CDC42EP2: variants seen among roughly 807,000 people sequenced by gnomAD.
The protein encoded by CDC42EP2 is CDC42 effector protein 2, also known as CDC42 effector protein (Rho GTPase binding) 2.
CDC42EP2 carries 5 observed loss-of-function variants against 7.3 expected under a neutral mutation model. The ratio of observed to expected loss-of-function variants is 0.68; its 90% CI spans 0.36 to 1.44. CDC42EP2 has a LOEUF of 1.44. Among genes scored for constraint, CDC42EP2 ranks in the 40% most tolerant of loss-of-function variants. CDC42EP2 has a pLI of 0.04. For missense variants in CDC42EP2, 251 were observed against 282.6 expected, an observed-to-expected ratio of 0.89 and a Z score of 0.80; for synonymous variants, 113 against 123.6, an observed-to-expected ratio of 0.91 and a Z score of 0.57.
At position 65,315,417 on chromosome 11, in the gene CDC42EP2, C is replaced by G. The variant is rs1261856714; in HGVS notation, c.-356+463C>G. 1.3e-5 allele frequency among the ~76,000 whole-genome samples: 2 copies of G among 152,318 alleles called. No individual in the cohort carries two copies. The highest frequency in any genetic ancestry group is 2.1e-4 in the South Asian group (1 of 4,832). ...GGAACCCGAGCCGGAGCTAAGGAGC[C>G]GGACCCGTGGGAGGGGCGGGGGCCC... On this transcript the variant is annotated intron_variant, in intron 1 of 1. Transcript: ENST00000279249. The surrounding 1 kb of genome is among the most constrained non-coding windows in gnomAD (Gnocchi z 4.1).
In CDC42EP2 at chr11:65,320,782, T is replaced by C; in HGVS notation, c.-117T>C. ...TAGCCAGAAGCCCGTTGGCGAGCTC[T>C]GGCACCTGCAAACCACCCCGTGGAA... On this transcript the variant is annotated 5_prime_UTR_variant, in exon 2 of 2. Transcript: ENST00000279249. The C allele has an allele frequency of 9.0e-7, 1 of 1,113,440 alleles. No individual in the cohort carries two copies. Among genetic ancestry groups the C allele is most frequent in the African/African-American group, 1.6e-5 (1 of 63,834 alleles). 69.0% of individuals were successfully genotyped at this position (1,113,440 alleles called of 1,614,324 possible). A position where few individuals can be genotyped will look rare whatever the true frequency, so the allele number is the denominator to read the frequency against.
intron 1 of CDC42EP2, among the ~76,000 whole-genome samples, chr11:65,319,002 C>T (rs1949961472): frequency 7.0e-6 from 1 of 143,172 alleles, no homozygotes; most frequent in African/African-American, 2.6e-5. Context: ...TCAATGCTTT[C>T]AATAAATGGA....
In CDC42EP2 at chr11:65,322,304, AG is replaced by A. The variant is rs1417319124; in HGVS notation, c.*774del. On this transcript the variant is annotated 3_prime_UTR_variant, in exon 2 of 2. Transcript: ENST00000279249. ...GTGACATTGATTCAGATGTTTGGCA[AG>A]AGGTGGCTGAGCACTGGGGTGGGCT... The A allele has an allele frequency of 3.0e-5, 5 of 167,058 alleles. No homozygotes were observed. The highest frequency in any genetic ancestry group is 7.2e-5 in the African/African-American group (3 of 41,454). The allele number at this position is 167,058 out of a possible 1,614,324, so 10.3% of individuals were successfully genotyped here.
Position 65,321,228 on chromosome 11 carries a change from C to G in CDC42EP2, c.330C>G (p.Leu110=). The change falls in exon 2 of 2, where the codon CTC becomes CTG. Residue 110 remains leucine (L), a synonymous_variant. Coordinates refer to ENST00000279249, the MANE Select transcript of CDC42EP2 (RefSeq NM_006779.4). The surrounding 1 kb of genome is among the most constrained non-coding windows in gnomAD (Gnocchi z 4.4). ...PSPLLKNAIS[L]PVIGGPQALT... is the part of the protein sequence containing the mutation. ...CTCTGCTCAAGAACGCCATCTCCCT[C>G]CCGGTTATCGGTGGACCCCAGGCTC... 1 of 1,613,994 alleles carries G rather than the reference C, an allele frequency of 6.2e-7. No homozygotes were observed. Among genetic ancestry groups the G allele is most frequent in the South Asian group, 1.1e-5 (1 of 91,076 alleles).
intron 1 of CDC42EP2, among the ~76,000 whole-genome samples, chr11:65,317,782 A>G (rs1949954663): frequency 6.6e-6 from 1 of 152,112 alleles, no homozygotes; most frequent in East Asian, 1.9e-4. Context: ...ATATGTGCAT[A>G]TAAATAATAC....
intron 1 of CDC42EP2, among the ~76,000 whole-genome samples, chr11:65,319,294 A>G (rs1949963002): frequency 6.6e-6 from 1 of 151,540 alleles, no homozygotes; most frequent in Admixed American, 6.6e-5. Context: ...ACGCCTGGCT[A>G]ATTTTTTGTA....
In CDC42EP2 at chr11:65,321,849, C is replaced by T. The variant is rs977240180; in HGVS notation, c.*318C>T. On this transcript the variant is annotated 3_prime_UTR_variant, in exon 2 of 2. Coordinates refer to ENST00000279249, the MANE Select transcript of CDC42EP2 (RefSeq NM_006779.4). This position sits in a 1 kb window ranked among gnomAD's most constrained non-coding sequence, Gnocchi z 4.4. ...GGGTGAAGGCTTTGCTGAAACCGAC[C>T]CCCCTTTTCACGTCCCTTCTGCCTC... 5 of 278,546 alleles carry T rather than the reference C, an allele frequency of 1.8e-5. No homozygotes were observed. Among genetic ancestry groups the T allele is most frequent in the Non-Finnish European group, 3.7e-5 (5 of 136,788 alleles). 17.3% of individuals were successfully genotyped at this position (278,546 alleles called of 1,614,324 possible). A position where few individuals can be genotyped will look rare whatever the true frequency, so the allele number is the denominator to read the frequency against.
rs762437997 is a variant in CDC42EP2 at position 65,321,264 on chromosome 11, C to A, written c.366C>A (p.Pro122=). ...VIGGPQALTL[P]TAQAPPKPPR... is the part of the protein sequence containing the mutation. ...GTGGACCCCAGGCTCTCACCCTGCC[C>A]ACAGCCCAGGCTCCACCCAAGCCCC... The change falls in exon 2 of 2, where the codon CCC becomes CCA. Residue 122 remains proline (P), a synonymous_variant. Transcript: ENST00000279249. The surrounding 1 kb of genome is among the most constrained non-coding windows in gnomAD (Gnocchi z 4.4). The A allele has an allele frequency of 1.9e-6, 3 of 1,613,852 alleles. No individual in the cohort carries two copies. In the East Asian group the frequency reaches 6.7e-5, roughly 36 times the overall value.
chr11:65,319,874 A>G (rs1481120732), intron 1 of CDC42EP2, among the ~76,000 whole-genome samples: 3 of 152,328 alleles, frequency 2.0e-5, no homozygotes, highest in East Asian at 1.9e-4. Flanking sequence ...TGTGGGGCAC[A>G]GGTGATGTGC....
At position 65,321,880 on chromosome 11, in the gene CDC42EP2, C is replaced by T. The variant is rs932624100; in HGVS notation, c.*349C>T. 7 of 229,292 alleles carry T rather than the reference C, an allele frequency of 3.1e-5. No individual in the cohort carries two copies. The highest frequency in any genetic ancestry group is 4.7e-5 in the Non-Finnish European group (5 of 105,938). The allele number at this position is 229,292 out of a possible 1,614,324, so 14.2% of individuals were successfully genotyped here. A position where few individuals can be genotyped will look rare whatever the true frequency, so the allele number is the denominator to read the frequency against. On this transcript the variant is annotated 3_prime_UTR_variant, in exon 2 of 2. Transcript: ENST00000279249. The surrounding 1 kb of genome is among the most constrained non-coding windows in gnomAD (Gnocchi z 4.4). ...TTTCACGTCCCTTCTGCCTCTGCCC[C>T]GTTGGATGCCCTGACTGGGGGCAGG...
In CDC42EP2 at chr11:65,322,068, G is replaced by C. The variant is rs546410578; in HGVS notation, c.*537G>C. ...CCCCACGTGACCGGGGATTCTGGTT[G>C]CAATAAAACATGCTGCTGCTGGTGG... On this transcript the variant is annotated 3_prime_UTR_variant, in exon 2 of 2. Transcript: ENST00000279249. The C allele has an allele frequency of 6.0e-6, 1 of 167,892 alleles. No individual in the cohort carries two copies. Among genetic ancestry groups the C allele is most frequent in the Non-Finnish European group, 1.5e-5 (1 of 68,786 alleles). The allele number at this position is 167,892 out of a possible 1,614,324, so 10.4% of individuals were successfully genotyped here.
chr11:65,321,524 C>T lies in CDC42EP2; in HGVS notation c.626C>T (p.Pro209Leu). The change falls in exon 2 of 2, where the codon CCC becomes CTC. Residue 209 changes from proline (P) to leucine (L), a missense_variant. By Grantham distance (98) the Pro-to-Leu change is moderately conservative (BLOSUM62 -3). Transcript: ENST00000279249. The surrounding 1 kb of genome is among the most constrained non-coding windows in gnomAD (Gnocchi z 4.4). ...CAGGACCTGGACAGCATGCAGATCC[C>T]CACATAGGACACGAGGCTGCCTAGG... ...MDQDLDSMQI[P>L]T 2 of 1,601,044 alleles carry T rather than the reference C, an allele frequency of 1.2e-6. No homozygotes were observed. Among genetic ancestry groups the T allele is most frequent in the Non-Finnish European group, 1.7e-6 (2 of 1,170,684 alleles).
Position 65,320,846 on chromosome 11 carries a change from G to A in CDC42EP2, c.-53G>A. On this transcript the variant is annotated 5_prime_UTR_variant, in exon 2 of 2. Transcript: ENST00000279249. ...TGGCTGAGGGTTGGAGAGGAGGTGT[G>A]GTCTCAGCAGGCGGCCCGTAGCCTC... 1.3e-6 allele frequency: 2 copies of A among 1,542,974 alleles called. No homozygotes were observed. Among genetic ancestry groups the A allele is most frequent in the African/African-American group, 1.4e-5 (1 of 73,822 alleles).
In CDC42EP2 at chr11:65,315,553, A is replaced by G. The variant is rs1003920890; in HGVS notation, c.-356+599A>G. On this transcript the variant is annotated intron_variant, in intron 1 of 1. Transcript: ENST00000279249. This position sits in a 1 kb window ranked among gnomAD's most constrained non-coding sequence, Gnocchi z 4.1. ...CTTGGAGACTAGGGCAGGGTCCCCA[A>G]TCGCCCCCTTTTTCCCCGATTGTGG... 1.4e-4 allele frequency among the ~76,000 whole-genome samples: 21 copies of G among 152,322 alleles called. No individual in the cohort carries two copies. The highest frequency in any genetic ancestry group is 2.2e-4 in the Non-Finnish European group (15 of 68,004).
rs8358 is a variant in CDC42EP2, at chr11:65,322,362, G to T, written c.*831G>T. 6.7e-4 allele frequency: 112 copies of T among 167,138 alleles called. No individual in the cohort carries two copies. In the Middle Eastern group the frequency reaches 0.01, roughly 15 times the overall value. 10.4% of individuals were successfully genotyped at this position (167,138 alleles called of 1,614,324 possible). ...TGTGCCAAGCCTGGGGCCAATCCCTGCCCAGTCAGCTGGGGTCTGGTGGGG... is the reference window on the plus strand; with the variant it reads ...TGTGCCAAGCCTGGGGCCAATCCCTTCCCAGTCAGCTGGGGTCTGGTGGGG... On this transcript the variant is annotated 3_prime_UTR_variant, in exon 2 of 2. Transcript: ENST00000279249.
intron 1 of CDC42EP2, among the ~76,000 whole-genome samples, chr11:65,318,421 ATTTTT>A (rs1279340276): frequency 8.8e-6 from 1 of 114,074 alleles, no homozygotes; most frequent in Non-Finnish European, 1.8e-5. Context: ...CACCTGGCAA[ATTTTT>A]TTTTTTTTTT....
intron 1 of CDC42EP2, among the ~76,000 whole-genome samples, chr11:65,317,416 C>A (rs1277066111): frequency 6.6e-6 from 1 of 152,138 alleles, no homozygotes; most frequent in Non-Finnish European, 1.5e-5. Flanking sequence ...TCACCCCCAC[C>A]CTCACCCTGC....
chr11:65,319,593 G>T (rs928286286), intron 1 of CDC42EP2, among the ~76,000 whole-genome samples: 4 of 152,178 alleles, frequency 2.6e-5, no homozygotes, highest in African/African-American at 7.2e-5. Flanking sequence ...TGCCAGGGTA[G>T]GGAGGAAGGC....
At chr11:65,319,412 G>A (rs1472580982) in intron 1 of CDC42EP2, among the ~76,000 whole-genome samples, 2 of 152,138 alleles carry the variant, frequency 1.3e-5, no homozygotes, top group African/African-American at 4.8e-5. Context: ...ACAGGTGTGA[G>A]CCACTGCACC....
Sources: gnomAD v4.1 joint callset for allele counts (sites outside exome capture counted in the v4.1 genomes callset) on GRCh38, gnomAD v4.1.1 for gene constraint, Gnocchi (gnomAD v3.1) non-coding constraint, MANE v1.5 for transcripts, NCBI Gene and HGNC (gene_info 2026-07-23, HGNC 2026-07-21) for gene names.